Variants in CD6 observed in about 807,000 individuals in gnomAD.
The protein encoded by CD6 is CD6 molecule, also known as T-cell differentiation antigen CD6.
A neutral mutation model predicts 75.3 loss-of-function variants in CD6; 53 were observed. That is an observed-to-expected ratio of 0.70 (90% CI 0.56 to 0.88). CD6 has a LOEUF of 0.88. Ranked by LOEUF, CD6 falls within the 40% of genes least tolerant of loss-of-function variation. The probability of loss-of-function intolerance (pLI) is 0.00; values close to 1 mark genes in which losing one functional copy is unlikely to be tolerated. For synonymous variants in CD6, 359 were observed against 381.5 expected (o/e 0.94, Z 0.69); for missense variants, 770 against 897.1 (o/e 0.86, Z 1.81).
chr11:61,000,534 C>T (rs143712903), intron 1 of CD6, among the ~76,000 whole-genome samples: 1 of 152,304 alleles, frequency 6.6e-6, no homozygotes, highest in East Asian at 1.9e-4. Flanking sequence ...TCAGGTGTAG[C>T]TGGTGTTGAC....
chr11:61,012,401 C>A lies in CD6; in HGVS notation c.1151-1022C>A, dbSNP rs529094536. On this transcript the variant is annotated intron_variant, in intron 6 of 12. Transcript: ENST00000313421. The stretch of plus-strand genomic sequence containing the variant: ...CACGGGTCTCCCCATGGCCGCAACA[C>A]CCAGCCTCACTCTCACATCTGCTTC... 3.9e-5 allele frequency among the ~76,000 whole-genome samples: 6 copies of A among 152,348 alleles called. No homozygotes were observed. The South Asian group carries it at 1.2e-3, about 32-fold the overall frequency.
intron 1 of CD6, among the ~76,000 whole-genome samples, chr11:60,994,062 G>A (rs867821989): frequency 4.6e-5 from 7 of 152,304 alleles, no homozygotes; most frequent in Middle Eastern, 3.4e-3. Flanking sequence ...GAGAGGAGGG[G>A]AGATGAAACC....
Position 61,020,039 on chromosome 11 carries a change from T to G in CD6, c.*721T>G, listed in dbSNP as rs1355399335. 2.5e-6 allele frequency: 1 copy of G among 397,696 alleles called. No homozygotes were observed. Among genetic ancestry groups the G allele is most frequent in the Non-Finnish European group, 4.4e-6 (1 of 225,958 alleles). The allele number at this position is 397,696 out of a possible 1,614,324, so 24.6% of individuals were successfully genotyped here. ...AGACCAGTTCTGCAGTGACTGTCCC[T>G]GGACAATGGGTCTTTATTCTGAGTT... On this transcript the variant is annotated 3_prime_UTR_variant, in exon 13 of 13. Coordinates refer to ENST00000313421, the MANE Select transcript of CD6 (RefSeq NM_006725.5).
Position 61,015,713 on chromosome 11 carries a change from T to G in CD6, c.1388T>G (p.Val463Gly), listed in dbSNP as rs1171265868. Reference protein sequence around the residue: ...QPVPITIPKEVFMLPIQVQAP... With the variant: ...QPVPITIPKEGFMLPIQVQAP... ...GCCCTCGACTCTGTTCTCTCCCCAGTTTTCATGCTGCCCATCCAGGTCCAG... is the reference window on the plus strand; with the variant it reads ...GCCCTCGACTCTGTTCTCTCCCCAGGTTTCATGCTGCCCATCCAGGTCCAG... Residue 463 changes from valine to glycine, a missense_variant and splice_region_variant, in exon 9 of 13, where the codon GTT (valine) becomes GGT (glycine). Transcript: ENST00000313421. 3 of 1,614,030 alleles carry G rather than the reference T, an allele frequency of 1.9e-6. No individual in the cohort carries two copies. The African/African-American group carries it at 4.0e-5, about 22-fold the overall frequency.
intron 6 of CD6, among the ~76,000 whole-genome samples, chr11:61,012,622 A>C (rs1477305851): frequency 3.9e-5 from 6 of 152,146 alleles, no homozygotes; most frequent in Non-Finnish European, 7.4e-5. Flanking sequence ...ACTACTAGTC[A>C]TCTAGCCCTG....
At chr11:61,008,909 C>G (rs1031074557) in intron 4 of CD6, 64 bp downstream of exon 4, 1 of 1,387,058 alleles carries the variant, frequency 7.2e-7, no homozygotes, top group Non-Finnish European at 9.5e-7. Context: ...TACTGGGCGC[C>G]AAGCCTGGAG....
intron 1 of CD6, among the ~76,000 whole-genome samples, chr11:60,990,785 A>C (rs1858027351): frequency 2.2e-5 from 1 of 46,460 alleles, no homozygotes; most frequent in Admixed American, 3.8e-4. Context: ...ACTATATTTT[A>C]TATAAATTGT....
Position 60,980,732 on chromosome 11 carries a change from C to A in CD6, c.49+8818C>A, listed in dbSNP as rs1490802269. The stretch of plus-strand genomic sequence containing the variant: ...GGGGGCACCTGTAATCCCAGCTACC[C>A]GCAAGGCTGAGGGAAGAGAATCGCT... On this transcript the variant is annotated intron_variant, in intron 1 of 12. Transcript: ENST00000313421. Among the ~76,000 whole-genome samples the A allele has an allele frequency of 2.6e-5, 4 of 152,014 alleles. No individual in the cohort carries two copies. In the South Asian group the frequency reaches 6.3e-4, roughly 24 times the overall value.
chr11:60,971,764 C>G lies in CD6; in HGVS notation c.-102C>G, dbSNP rs1285527182. On this transcript the variant is annotated 5_prime_UTR_variant, in exon 1 of 13. Coordinates refer to ENST00000313421, the MANE Select transcript of CD6 (RefSeq NM_006725.5). ...GGAACAAGAACAGCAAAGGGTAGAG[C>G]AGACCTGCGCCAGGGGCGCACAACG... is the stretch of plus-strand genomic sequence containing the variant. 5.3e-6 allele frequency: 6 copies of G among 1,140,948 alleles called. No homozygotes were observed. The highest frequency in any genetic ancestry group is 7.8e-6 in the Non-Finnish European group (6 of 773,628). 70.7% of individuals were successfully genotyped at this position (1,140,948 alleles called of 1,614,324 possible).
chr11:61,008,678 G>A lies in CD6; in HGVS notation c.614G>A (p.Gly205Asp). 6.2e-7 allele frequency: 1 copy of A among 1,607,994 alleles called. No individual in the cohort carries two copies. The highest frequency in any genetic ancestry group is 8.5e-7 in the Non-Finnish European group (1 of 1,177,772). ...AHVVCRQLGC[G>D]WAVQALPGLH... The stretch of plus-strand genomic sequence containing the variant: ...GTGGTGTGCAGGCAACTGGGCTGCG[G>A]CTGGGCAGTCCAGGCCCTGCCCGGC... Residue 205 changes from glycine (G) to aspartate (D), a missense_variant, in exon 4 of 13, where the codon GGC (glycine) becomes GAC (aspartate). Physicochemically the swap from Gly to Asp is moderately conservative, Grantham distance 94. Transcript: ENST00000313421.
chr11:60,988,030 A>G (rs1165879152), intron 1 of CD6: 1 of 152,320 alleles, frequency 6.6e-6, no homozygotes, highest in African/African-American at 2.4e-5. Context: ...AGCATCCTGT[A>G]AGTGACTTGT....
intron 1 of CD6, among the ~76,000 whole-genome samples, chr11:60,985,475 G>A (rs1415834728): frequency 1.3e-5 from 2 of 151,880 alleles, no homozygotes; most frequent in East Asian, 1.9e-4. Context: ...ATAAGCCACC[G>A]CACCCGGCCA....
At chr11:61,003,494 A>G (rs1220313874) in intron 1 of CD6, among the ~76,000 whole-genome samples, 1 of 152,152 alleles carries the variant, frequency 6.6e-6, no homozygotes, top group Admixed American at 6.5e-5. Flanking sequence ...ACAATTTGGG[A>G]GGCTGAGGTG....
chr11:60,982,942 C>T (rs960138784), intron 1 of CD6, among the ~76,000 whole-genome samples: 2 of 151,496 alleles, frequency 1.3e-5, no homozygotes, highest in Non-Finnish European at 2.9e-5. Flanking sequence ...AGAGAGAATG[C>T]GGGGGACTGC....
intron 1 of CD6, among the ~76,000 whole-genome samples, chr11:60,975,080 T>A (rs1047907042): frequency 1.3e-5 from 2 of 151,350 alleles, no homozygotes; most frequent in Non-Finnish European, 2.9e-5. Flanking sequence ...AACAATTTTT[T>A]AATAATTTGT....
chr11:60,996,467 G>A (rs1858300561), intron 1 of CD6, among the ~76,000 whole-genome samples: 1 of 152,246 alleles, frequency 6.6e-6, no homozygotes, highest in African/African-American at 2.4e-5. Context: ...TGGGCAAGGG[G>A]CAGGTGAGTG....
chr11:61,018,527 CTT>C (rs1859535191), intron 12 of CD6, 134 bp downstream of exon 12: 3 of 584,530 alleles, frequency 5.1e-6, no homozygotes, highest in Admixed American at 6.4e-5. Flanking sequence ...GGGAAAGTAA[CTT>C]TTTAAAAAAC....
At chr11:61,006,755 GACA>G (rs1858879131) in intron 2 of CD6, 113 bp downstream of exon 2, 2 of 821,780 alleles carry the variant, frequency 2.4e-6, no homozygotes, top group East Asian at 2.7e-5. Flanking sequence ...CCTGACTTCA[GACA>G]ACACTTCTTC....
At chr11:60,981,823 G>A (rs1002581975) in intron 1 of CD6, among the ~76,000 whole-genome samples, 2 of 152,178 alleles carry the variant, frequency 1.3e-5, no homozygotes, top group Middle Eastern at 3.2e-3. Context: ...GGGCTGAGGA[G>A]GAAGCTCCGG....
Sources: gnomAD v4.1 joint callset for allele counts (sites outside exome capture counted in the v4.1 genomes callset) on GRCh38, gnomAD v4.1.1 for gene constraint, MANE v1.5 for transcripts, NCBI Gene and HGNC (gene_info 2026-07-23, HGNC 2026-07-21) for gene names.